Variants in EXOC4 observed in about 807,000 individuals in gnomAD.
EXOC4 encodes exocyst complex component 4.
In EXOC4, 71 loss-of-function variants were observed where a neutral mutation model predicts 107.2. The ratio of observed to expected loss-of-function variants is 0.66; its 90% CI spans 0.55 to 0.81. The LOEUF (loss-of-function observed/expected upper bound fraction) is 0.81. EXOC4 is among the 30% of genes least tolerant of loss of function. The probability of loss-of-function intolerance (pLI) is 0.00; values close to 1 mark genes in which losing one functional copy is unlikely to be tolerated. For synonymous variants in EXOC4, 456 were observed against 441.2 expected (o/e 1.03, Z -0.42); for missense variants, 1,108 against 1,189.6 (o/e 0.93, Z 1.01).
At chr7:134,084,009 T>G in the EXOC4 span, among the ~76,000 whole-genome samples, 1 of 152,220 alleles carries the variant, frequency 6.6e-6, no homozygotes, top group Non-Finnish European at 1.5e-5. Context: ...GAAGTGAGGC[T>G]TATTATAGCA....
rs564574730 is a variant in EXOC4, at chr7:133,728,241, A to G, written c.1515-89084A>G. Among the ~76,000 whole-genome samples the G allele has an allele frequency of 5.3e-5, 8 of 152,356 alleles. 1 individual carries two copies. The South Asian group carries it at 1.7e-3, about 32-fold the overall frequency. On this transcript the variant is annotated intron_variant, in intron 10 of 17. Coordinates refer to ENST00000253861, the MANE Select transcript of EXOC4 (RefSeq NM_021807.4). ...CCATGGGAAGCTAAACCTCTGCTTA[A>G]AGGCTTTGTGAAACTTGACTAGTAA...
chr7:133,516,151 TTTTTG>T (rs1253443147), intron 9 of EXOC4, among the ~76,000 whole-genome samples: 3 of 152,186 alleles, frequency 2.0e-5, no homozygotes, highest in Non-Finnish European at 2.9e-5. Context: ...TTTGGGGACT[TTTTTG>T]TTTTGTTATT....
At chr7:133,318,716 A>G (rs1248210930) in intron 5 of EXOC4, among the ~76,000 whole-genome samples, 1 of 152,240 alleles carries the variant, frequency 6.6e-6, no homozygotes, top group East Asian at 1.9e-4. Flanking sequence ...TGTTACCTTA[A>G]AATGCCACTT....
At chr7:133,840,172 A>T (rs1295237100) in intron 11 of EXOC4, among the ~76,000 whole-genome samples, 1 of 152,252 alleles carries the variant, frequency 6.6e-6, no homozygotes, top group East Asian at 1.9e-4. Context: ...GAATAGATAC[A>T]TTTTCATATA....
At chr7:133,749,590 C>T (rs895687366) in intron 10 of EXOC4, among the ~76,000 whole-genome samples, 4 of 152,104 alleles carry the variant, frequency 2.6e-5, no homozygotes, top group Admixed American at 1.3e-4. Flanking sequence ...GATGGGGTTT[C>T]GCCATGTTGG....
Position 133,349,186 on chromosome 7 carries a change from T to G in EXOC4, c.764-7144T>G, listed in dbSNP as rs1386657370. Among the ~76,000 whole-genome samples, 6 of 152,268 alleles carry G rather than the reference T, an allele frequency of 3.9e-5. 1 individual carries two copies. The South Asian group carries it at 8.3e-4, about 21-fold the overall frequency. ...ACCATAAAGCCTACCATTTTAACCATTTTGGAATGTACAGTCCTGCAGTGT... is the reference window on the plus strand; with the variant it reads ...ACCATAAAGCCTACCATTTTAACCAGTTTGGAATGTACAGTCCTGCAGTGT... On this transcript the variant is annotated intron_variant, in intron 5 of 17. Transcript: ENST00000253861.
intron 5 of EXOC4, among the ~76,000 whole-genome samples, chr7:133,323,158 C>T (rs1207202550): frequency 2.0e-5 from 3 of 152,158 alleles, no homozygotes; most frequent in African/African-American, 7.2e-5. Flanking sequence ...CATCTGCAAA[C>T]AGAGACAATT....
intron 10 of EXOC4, among the ~76,000 whole-genome samples, chr7:133,743,677 G>T (rs1795615706): frequency 6.6e-6 from 1 of 152,132 alleles, no homozygotes; most frequent in Non-Finnish European, 1.5e-5. Flanking sequence ...TTGCCATTGT[G>T]GGCCATACTT....
chr7:133,356,770 C>T (rs556417171), intron 6 of EXOC4, among the ~76,000 whole-genome samples, 197 bp downstream of exon 6: 1 of 152,250 alleles, frequency 6.6e-6, no homozygotes, highest in Non-Finnish European at 1.5e-5. Context: ...CACTTGAGGT[C>T]AGAAGTTTGA....
intron 5 of EXOC4, among the ~76,000 whole-genome samples, chr7:133,355,211 A>G (rs1211467518): frequency 1.3e-5 from 2 of 151,356 alleles, no homozygotes; most frequent in African/African-American, 4.8e-5. Flanking sequence ...CTACTAAGGA[A>G]GAATGTATTC....
chr7:133,976,886 C>T (rs1793847980), intron 14 of EXOC4, among the ~76,000 whole-genome samples: 1 of 152,194 alleles, frequency 6.6e-6, no homozygotes, highest in African/African-American at 2.4e-5. Flanking sequence ...AGCAAGGGAA[C>T]ATGCAAAACT....
intron 9 of EXOC4, among the ~76,000 whole-genome samples, chr7:133,495,135 C>G (rs961974586): frequency 2.6e-5 from 4 of 151,722 alleles, no homozygotes; most frequent in African/African-American, 9.7e-5. Flanking sequence ...ATCTGTAATC[C>G]CAGCTACTAG....
rs932710563 is a variant in EXOC4, at chr7:133,515,479, A to AAG, written c.1417+35353_1417+35354dup. On this transcript the variant is annotated intron_variant, in intron 9 of 17. Coordinates refer to ENST00000253861, the MANE Select transcript of EXOC4 (RefSeq NM_021807.4). ...ATACATATACATATAGTGAGAGAGA[A>AAG]AGAGAGAGAGAGACTGTTTCATTCT... Among the ~76,000 whole-genome samples, 6 of 151,976 alleles carry AAG rather than the reference A, an allele frequency of 3.9e-5. No homozygotes were observed. In the South Asian group the frequency reaches 6.2e-4, roughly 16 times the overall value.
chr7:133,696,650 G>T (rs1794540370), intron 10 of EXOC4, among the ~76,000 whole-genome samples: 2 of 152,060 alleles, frequency 1.3e-5, no homozygotes, highest in Admixed American at 6.5e-5. Context: ...AATCTTTGTT[G>T]TTGTTGTTGT....
chr7:133,391,531 A>T (rs184398692), intron 7 of EXOC4, among the ~76,000 whole-genome samples: 4 of 152,322 alleles, frequency 2.6e-5, no homozygotes, highest in Admixed American at 2.6e-4. Context: ...AACGGGTAGG[A>T]GTCCCAAGCA....
intron 9 of EXOC4, among the ~76,000 whole-genome samples, chr7:133,615,555 G>A (rs1177311235): frequency 6.6e-6 from 1 of 152,112 alleles, no homozygotes; most frequent in Non-Finnish European, 1.5e-5. Context: ...ACCCTATCCT[G>A]CTTTGTTCAA....
chr7:134,084,727 A>AAAAAAAAAAAAAAAAAAAAAAG, the EXOC4 span, among the ~76,000 whole-genome samples: 1 of 145,114 alleles, frequency 6.9e-6, no homozygotes, highest in African/African-American at 2.7e-5. Flanking sequence ...AAAAAAAAAA[A>AAAAAAAAAAAAAAAAAAAAAAG]AAATTCACCA....
the EXOC4 span, among the ~76,000 whole-genome samples, chr7:134,085,939 G>A: frequency 6.6e-6 from 1 of 152,164 alleles, no homozygotes; most frequent in African/African-American, 2.4e-5. Flanking sequence ...TGTGTGCTCA[G>A]GAAAGACCTA....
chr7:133,980,699 G>A (rs890732055), intron 14 of EXOC4, among the ~76,000 whole-genome samples: 1 of 152,168 alleles, frequency 6.6e-6, no homozygotes, highest in African/African-American at 2.4e-5. Flanking sequence ...TGATAGAGAT[G>A]ATTGCTTCTC....
Sources: allele counts gnomAD v4.1 joint callset (sites outside exome capture counted in the v4.1 genomes callset), GRCh38; gene constraint gnomAD v4.1.1; transcripts MANE v1.5; gene names NCBI Gene and HGNC (gene_info 2026-07-23, HGNC 2026-07-21).